Variants in ADCK1 observed in about 807,000 individuals in gnomAD.
ADCK1 encodes aarF domain-containing protein kinase 1.
In ADCK1, 41 loss-of-function variants were observed where a neutral mutation model predicts 52.3. The observed-to-expected ratio is 0.78, with a 90% CI of 0.61 to 1.02. The LOEUF is 1.02. Ranked by LOEUF, ADCK1 falls within the 50% of genes least tolerant of loss-of-function variation. The pLI, the probability that ADCK1 is intolerant of heterozygous loss-of-function variation, is 0.00. For missense variants in ADCK1, 658 were observed against 679.5 expected (o/e 0.97, Z 0.35); for synonymous variants, 250 against 274.6 (o/e 0.91, Z 0.89).
chr14:77,908,768 G>C (rs2083724467), intron 7 of ADCK1, among the ~76,000 whole-genome samples: 1 of 152,176 alleles, frequency 6.6e-6, no homozygotes, highest in Admixed American at 6.5e-5. Flanking sequence ...AGTCCCCAGA[G>C]CTTAGCATCA....
chr14:77,861,433 T>A (rs1387807095), intron 4 of ADCK1, among the ~76,000 whole-genome samples: 1 of 151,730 alleles, frequency 6.6e-6, no homozygotes. Context: ...CGGGGTAATG[T>A]CACTCACTTG....
intron 5 of ADCK1, among the ~76,000 whole-genome samples, chr14:77,895,346 A>C (rs2083386337): frequency 2.6e-5 from 4 of 152,234 alleles, no homozygotes; most frequent in African/African-American, 9.6e-5. Context: ...TGGATAACAC[A>C]TGTGAACATA....
intron 4 of ADCK1, among the ~76,000 whole-genome samples, chr14:77,883,379 G>C (rs930600771): frequency 2.1e-4 from 31 of 144,520 alleles, no homozygotes; most frequent in African/African-American, 7.3e-4. Context: ...TGATTGGAGG[G>C]GGGTGGTGTT....
chr14:77,925,962 G>T lies in ADCK1; in HGVS notation c.1206+1G>T, dbSNP rs2084184486. On this transcript the variant is annotated splice_donor_variant, in intron 9 of 10. Coordinates refer to ENST00000238561, the MANE Select transcript of ADCK1 (RefSeq NM_020421.4). LOFTEE classifies it high-confidence loss of function. ...CCAAGCTCCCGTCACTGCCACTGAG[G>T]TAGGGGGCCCCTCCAGGCCCTGCCT... 2 of 1,613,740 alleles carry T rather than the reference G, an allele frequency of 1.2e-6. No individual in the cohort carries two copies. Among genetic ancestry groups the T allele is most frequent in the South Asian group, 1.1e-5 (1 of 91,074 alleles).
intron 2 of ADCK1, among the ~76,000 whole-genome samples, chr14:77,821,542 G>A (rs1037952162): frequency 7.2e-5 from 11 of 152,166 alleles, no homozygotes; most frequent in South Asian, 2.1e-4. Context: ...CGTGGAGATT[G>A]GAATTTTCTG....
chr14:77,873,746 G>A (rs527420483), intron 4 of ADCK1, among the ~76,000 whole-genome samples: 5 of 152,256 alleles, frequency 3.3e-5, no homozygotes, highest in South Asian at 2.1e-4. Flanking sequence ...CCTTCCTGCC[G>A]CCATGTGAAG....
At position 77,827,556 on chromosome 14, in the gene ADCK1, AT is replaced by A. The variant is rs576135347; in HGVS notation, c.219+5047del. Among the ~76,000 whole-genome samples the A allele has an allele frequency of 2.2e-3, 329 of 149,608 alleles. 2 individuals carry two copies. The highest frequency in any genetic ancestry group is 7.6e-3 in the African/African-American group (309 of 40,638). On this transcript the variant is annotated intron_variant, in intron 3 of 10. Coordinates refer to ENST00000238561, the MANE Select transcript of ADCK1 (RefSeq NM_020421.4). ...ATTCTTGGAGAAGCATACTGGGGTTATTTTTTTTTCTTTTTCTTTTTTTCTA... is the reference window on the plus strand; with the variant it reads ...ATTCTTGGAGAAGCATACTGGGGTTATTTTTTTTCTTTTTCTTTTTTTCTA...
chr14:77,823,707 G>A lies in ADCK1; in HGVS notation c.219+1189G>A, dbSNP rs924913875. 2.0e-5 allele frequency among the ~76,000 whole-genome samples: 3 copies of A among 151,644 alleles called. 1 individual carries two copies. Among genetic ancestry groups the A allele is most frequent in the Admixed American group, 1.3e-4 (2 of 15,162 alleles). ...CCTGCCTCAGCCTCCTGAGTGGCTG[G>A]GATTACATATGCACACCATCACACT... On this transcript the variant is annotated intron_variant, in intron 3 of 10. Transcript: ENST00000238561.
chr14:77,890,052 T>A (rs1264027447), intron 5 of ADCK1, among the ~76,000 whole-genome samples: 5 of 152,112 alleles, frequency 3.3e-5, no homozygotes, highest in Non-Finnish European at 7.4e-5. Context: ...CTATATTCAG[T>A]GGAGAAAAGT....
At chr14:77,924,681 A>G in intron 8 of ADCK1, 75 bp downstream of exon 8, 1 of 1,573,954 alleles carries the variant, frequency 6.4e-7, no homozygotes, top group Non-Finnish European at 8.6e-7. Flanking sequence ...TTAGCTGCAG[A>G]ACCGGGAGGG....
intron 4 of ADCK1, among the ~76,000 whole-genome samples, chr14:77,885,257 T>A (rs2083122491): frequency 1.3e-5 from 2 of 152,112 alleles, no homozygotes; most frequent in African/African-American, 4.8e-5. Flanking sequence ...AAGGGAAGAA[T>A]TTTGCTATTG....
chr14:77,830,013 A>G (rs2140059645), intron 3 of ADCK1, among the ~76,000 whole-genome samples: 1 of 151,566 alleles, frequency 6.6e-6, no homozygotes, highest in Admixed American at 6.6e-5. Flanking sequence ...GATTAGAGCT[A>G]GGTAACAGAG....
chr14:77,887,325 G>C (rs1237164363), intron 5 of ADCK1, 76 bp downstream of exon 5: 1 of 1,440,468 alleles, frequency 6.9e-7, no homozygotes, highest in East Asian at 2.5e-5. Flanking sequence ...AGGTGGAACT[G>C]GTTCAAGCTG....
chr14:77,844,735 T>G (rs1307674068), intron 3 of ADCK1, among the ~76,000 whole-genome samples: 1 of 152,212 alleles, frequency 6.6e-6, no homozygotes, highest in Non-Finnish European at 1.5e-5. Flanking sequence ...TACTTGGAGT[T>G]GGGGCTAGAA....
intron 4 of ADCK1, among the ~76,000 whole-genome samples, chr14:77,863,021 G>A (rs1309452142): frequency 6.6e-6 from 1 of 152,218 alleles, no homozygotes; most frequent in Non-Finnish European, 1.5e-5. Context: ...CAGAGGTGCA[G>A]GGACAGGAAA....
At chr14:77,812,573 G>C (rs2081357881) in intron 1 of ADCK1, among the ~76,000 whole-genome samples, 1 of 152,050 alleles carries the variant, frequency 6.6e-6, no homozygotes, top group South Asian at 2.1e-4. Flanking sequence ...TCTACATCTT[G>C]GCTATTGTGC....
At chr14:77,824,707 T>C (rs556897729) in intron 3 of ADCK1, among the ~76,000 whole-genome samples, 64 of 152,076 alleles carry the variant, frequency 4.2e-4, no homozygotes, top group Admixed American at 3.1e-3. Flanking sequence ...GTGCTGAGAT[T>C]ACAGGCGTGA....
chr14:77,820,639 CGTGTGTGTGTGT>C (rs10549011), intron 2 of ADCK1, among the ~76,000 whole-genome samples: 4 of 148,914 alleles, frequency 2.7e-5, no homozygotes, highest in East Asian at 2.0e-4. Flanking sequence ...GCCAATTTTA[CGTGTGTGTGTGT>C]GTGTGTGTGT....
chr14:77,837,124 C>T (rs2081977231), intron 3 of ADCK1, among the ~76,000 whole-genome samples: 1 of 150,480 alleles, frequency 6.6e-6, no homozygotes, highest in South Asian at 2.1e-4. Flanking sequence ...TCCACCTGGG[C>T]AATCCAGGAT....
Sources: gnomAD v4.1 joint callset for allele counts (sites outside exome capture counted in the v4.1 genomes callset) on GRCh38, gnomAD v4.1.1 for gene constraint, MANE v1.5 for transcripts, NCBI Gene and HGNC (gene_info 2026-07-23, HGNC 2026-07-21) for gene names.